The following GALE variants were observed in gnomAD, a reference collection of about 807,000 sequenced individuals.
GALE encodes the protein UDP-galactose-4-epimerase.
Under a neutral mutation model 44.1 loss-of-function variants are expected in GALE, and 32 were observed. The observed-to-expected ratio is 0.73, with a 90% CI of 0.55 to 0.97. The LOEUF is 0.97. Among genes scored for constraint, GALE ranks in the 50% least tolerant of loss-of-function variants. The pLI, the probability that GALE is intolerant of heterozygous loss-of-function variation, is 0.00. For missense variants in GALE, 423 were observed against 455.6 expected, an observed-to-expected ratio of 0.93 and a Z score of 0.65; for synonymous variants, 182 against 183.5, an observed-to-expected ratio of 0.99 and a Z score of 0.06.
In GALE at chr1:23,798,923, G is replaced by C. The variant is rs774570531; in HGVS notation, c.85C>G (p.Pro29Ala). ...VLELLEAGYL[P>A]VVIDNFHNAF... ...TTATGGAAGTTATCGATGACCACAG[G>C]CAAGTAGCCAGCCTCCAGCAGCTCC... The change falls in exon 3 of 12, where the codon CCT (proline) becomes GCT (alanine). Residue 29 changes from proline to alanine, a missense_variant. Physicochemically the swap from Pro to Ala is conservative, Grantham distance 27. Coordinates refer to ENST00000617979, the MANE Select transcript of GALE (RefSeq NM_001008216.2). This position sits in a 1 kb window ranked among gnomAD's most constrained non-coding sequence, Gnocchi z 4.5. The C allele has an allele frequency of 1.5e-5, 24 of 1,614,056 alleles. No individual in the cohort carries two copies. The highest frequency in any genetic ancestry group is 1.9e-5 in the Non-Finnish European group (23 of 1,180,042).
chr1:23,797,614 G>T (rs546561799), intron 6 of GALE, 81 bp downstream of exon 6: 2 of 1,389,536 alleles, frequency 1.4e-6, no homozygotes, highest in Non-Finnish European at 2.0e-6. Context: ...GGGGTGTTCG[G>T]AATCCCACCC....
chr1:23,799,076 G>A, intron 2 of GALE, 64 bp from the exon 3 acceptor site: 1 of 1,609,650 alleles, frequency 6.2e-7, no homozygotes. Flanking sequence ...CCTTCCCACT[G>A]GAATCCTGCC....
At position 23,796,449 on chromosome 1, in the gene GALE, T is replaced by C; in HGVS notation, c.873+60A>G. ...GGTGAGTGGGAAGGGCCAAAGCTGC[T>C]CTGTTGCTGAGAGCTGGGTGGGGTG... On this transcript the variant is annotated intron_variant, in intron 10 of 11. Transcript: ENST00000617979. The surrounding 1 kb of genome is among the most constrained non-coding windows in gnomAD (Gnocchi z 5.2). 1 of 1,551,222 alleles carries C rather than the reference T, an allele frequency of 6.4e-7. No individual in the cohort carries two copies. The highest frequency in any genetic ancestry group is 2.4e-5 in the East Asian group (1 of 42,448).
chr1:23,796,668 C>A lies in GALE; in HGVS notation c.795+29G>T, dbSNP rs1208644430. 3.1e-6 allele frequency: 5 copies of A among 1,613,698 alleles called. No individual in the cohort carries two copies. The stretch of plus-strand genomic sequence containing the variant: ...CGCTCTGCCTGGATCTGGTCCCTCC[C>A]CTCCCTCACTTCTCCCTTCTCTTCC... On this transcript the variant is annotated intron_variant, in intron 9 of 11. Transcript: ENST00000617979. This position sits in a 1 kb window ranked among gnomAD's most constrained non-coding sequence, Gnocchi z 5.2.
rs1402920421 is a variant in GALE, at chr1:23,796,010, G to A, written c.989-3C>T. 1.2e-6 allele frequency: 2 copies of A among 1,613,796 alleles called. No homozygotes were observed. The highest frequency in any genetic ancestry group is 8.5e-7 in the Non-Finnish European group (1 of 1,179,816). ...CTGCCAGCGCCAGAGATCCTCACCT[G>A]CAACACGGCGAGGTGTGTGCTCAGG... On this transcript the variant is annotated splice_polypyrimidine_tract_variant and splice_region_variant and intron_variant, in intron 11 of 11. Coordinates refer to ENST00000617979, the MANE Select transcript of GALE (RefSeq NM_001008216.2). The surrounding 1 kb of genome is among the most constrained non-coding windows in gnomAD (Gnocchi z 5.2).
intron 6 of GALE, 145 bp downstream of exon 6, chr1:23,797,550 C>G: frequency 2.5e-6 from 2 of 788,062 alleles, no homozygotes; most frequent in Non-Finnish European, 4.4e-6. Flanking sequence ...TAGAAACAAG[C>G]AGGGGATGGG....
chr1:23,798,858 A>G lies in GALE; in HGVS notation c.121+29T>C. On this transcript the variant is annotated intron_variant, in intron 3 of 11. Transcript: ENST00000617979. This position sits in a 1 kb window ranked among gnomAD's most constrained non-coding sequence, Gnocchi z 4.5. ...GGGTTTTGCTTCTGCCATCCCCTCA[A>G]GTAGCCCCAGCCCCACTGCCCCGCT... is the stretch of plus-strand genomic sequence containing the variant. 6.2e-7 allele frequency: 1 copy of G among 1,614,134 alleles called. No individual in the cohort carries two copies. Among genetic ancestry groups the G allele is most frequent in the East Asian group, 2.2e-5 (1 of 44,882 alleles).
Position 23,795,762 on chromosome 1 carries a change from T to G in GALE, c.*187A>C, listed in dbSNP as rs1638926066. The G allele has an allele frequency of 1.6e-6, 1 of 639,736 alleles. No homozygotes were observed. The highest frequency in any genetic ancestry group is 1.8e-5 in the African/African-American group (1 of 54,824). 39.6% of individuals were successfully genotyped at this position (639,736 alleles called of 1,614,324 possible). ...CTTGGACCCTGTGGAAGATAAGAGT[T>G]AGAGACCTCGGCCTCCTGGTCAGTG... On this transcript the variant is annotated 3_prime_UTR_variant, in exon 12 of 12. Transcript: ENST00000617979.
Position 23,796,613 on chromosome 1 carries a change from G to C in GALE, c.796-27C>G. The stretch of plus-strand genomic sequence containing the variant: ...TGGCCCACGGAGAACAGGGTTTATG[G>C]AGCGGGCTGGACTGACCACGCCTCT... On this transcript the variant is annotated intron_variant, in intron 9 of 11. Transcript: ENST00000617979. This position sits in a 1 kb window ranked among gnomAD's most constrained non-coding sequence, Gnocchi z 5.2. The C allele has an allele frequency of 1.2e-6, 2 of 1,614,024 alleles. No homozygotes were observed. Among genetic ancestry groups the C allele is most frequent in the Non-Finnish European group, 1.7e-6 (2 of 1,179,988 alleles).
chr1:23,796,132 G>A lies in GALE; in HGVS notation c.988+19C>T, dbSNP rs1473818823. 1.9e-6 allele frequency: 3 copies of A among 1,608,706 alleles called. No individual in the cohort carries two copies. Among genetic ancestry groups the A allele is most frequent in the Admixed American group, 1.7e-5 (1 of 60,014 alleles). ...GCCCCTCCCTGGCCCCTAACTGCAGGGGTCAGGCCAGCACTCACACATCCT... is the reference window on the plus strand; with the variant it reads ...GCCCCTCCCTGGCCCCTAACTGCAGAGGTCAGGCCAGCACTCACACATCCT... On this transcript the variant is annotated intron_variant, in intron 11 of 11. Coordinates refer to ENST00000617979, the MANE Select transcript of GALE (RefSeq NM_001008216.2). The surrounding 1 kb of genome is among the most constrained non-coding windows in gnomAD (Gnocchi z 5.2).
At position 23,799,215 on chromosome 1, in the gene GALE, G is replaced by A. The variant is rs992583749; in HGVS notation, c.-6+151C>T. On this transcript the variant is annotated intron_variant, in intron 2 of 11. Transcript: ENST00000617979. ...GGCTTTGGAAATTAATTAGCCTCTT[G>A]GCCTCAGTTTCTATCTCTGTAAAAC... 20 of 635,466 alleles carry A rather than the reference G, an allele frequency of 3.1e-5. 1 individual carries two copies. In the South Asian group the frequency reaches 3.2e-4, roughly 10 times the overall value. 39.4% of individuals were successfully genotyped at this position (635,466 alleles called of 1,614,324 possible). A position where few individuals can be genotyped will look rare whatever the true frequency, so the allele number is the denominator to read the frequency against.
chr1:23,798,007 G>C lies in GALE; in HGVS notation c.351+110C>G, dbSNP rs72872175. ...GGGGAAACTGAGACTGGGAGGTAAA[G>C]ACATGAGTCCAGGATGATACAGCTT... is the stretch of plus-strand genomic sequence containing the variant. On this transcript the variant is annotated intron_variant, in intron 5 of 11. Transcript: ENST00000617979. This position sits in a 1 kb window ranked among gnomAD's most constrained non-coding sequence, Gnocchi z 4.5. The C allele has an allele frequency of 7.6e-7, 1 of 1,316,488 alleles. No individual in the cohort carries two copies. The highest frequency in any genetic ancestry group is 1.4e-5 in the African/African-American group (1 of 69,138). The allele number at this position is 1,316,488 out of a possible 1,614,324, so 81.6% of individuals were successfully genotyped here.
At chr1:23,797,275 A>AGT in intron 6 of GALE, 128 bp from the exon 7 acceptor site, 1 of 719,100 alleles carries the variant, frequency 1.4e-6, no homozygotes, top group South Asian at 1.6e-5. Context: ...GCTGGAGTGT[A>AGT]GTGGCCTGAT....
In GALE at chr1:23,796,303, G is replaced by A. The variant is rs749031482; in HGVS notation, c.874-38C>T. ...AGGTAGTTGGAGCTTAGCTGAGCCG[G>A]CCCTGGCCCAGCTGCTGGCCAGGTC... On this transcript the variant is annotated intron_variant, in intron 10 of 11. Coordinates refer to ENST00000617979, the MANE Select transcript of GALE (RefSeq NM_001008216.2). This position sits in a 1 kb window ranked among gnomAD's most constrained non-coding sequence, Gnocchi z 5.2. The A allele has an allele frequency of 2.0e-5, 32 of 1,586,560 alleles. No individual in the cohort carries two copies. The African/African-American group carries it at 2.6e-4, about 13-fold the overall frequency.
rs1557478815 is a variant in GALE, at chr1:23,796,816, T to C, written c.710-34A>G. On this transcript the variant is annotated intron_variant, in intron 8 of 11. Transcript: ENST00000617979. The surrounding 1 kb of genome is among the most constrained non-coding windows in gnomAD (Gnocchi z 5.2). ...AAGGGAGTGTGTTGGATGGGGAGTC[T>C]GTTCCCCCTGACTCTCCTTCCTGGC... is the stretch of plus-strand genomic sequence containing the variant. The C allele has an allele frequency of 6.2e-7, 1 of 1,607,356 alleles. No homozygotes were observed. Among genetic ancestry groups the C allele is most frequent in the South Asian group, 1.1e-5 (1 of 89,864 alleles).
chr1:23,798,072 G>C lies in GALE; in HGVS notation c.351+45C>G, dbSNP rs111919276. On this transcript the variant is annotated intron_variant, in intron 5 of 11. Transcript: ENST00000617979. This position sits in a 1 kb window ranked among gnomAD's most constrained non-coding sequence, Gnocchi z 4.5. ...GCACTGCCTGCCAGGCTGGGGTCCA[G>C]CTGGACACCCTCCTAGTGTCTGTGC... 8.5e-5 allele frequency: 129 copies of C among 1,513,672 alleles called. No homozygotes were observed. In the African/African-American group the frequency reaches 1.6e-3, roughly 19 times the overall value. 93.8% of individuals were successfully genotyped at this position (1,513,672 alleles called of 1,614,324 possible).
At position 23,797,857 on chromosome 1, in the gene GALE, G is replaced by C; in HGVS notation, c.366C>G (p.His122Gln). 6.2e-7 allele frequency: 1 copy of C among 1,614,180 alleles called. No individual in the cohort carries two copies. Among genetic ancestry groups the C allele is most frequent in the South Asian group, 1.1e-5 (1 of 91,082 alleles). The change falls in exon 6 of 12, where the codon CAC becomes CAG. Residue 122 changes from histidine (H) to glutamine (Q), a missense_variant. By Grantham distance (24) the His-to-Gln change is conservative. Transcript: ENST00000617979. The stretch of plus-strand genomic sequence containing the variant: ...TGCTGAACACCAGGTTCTTCACCCC[G>C]TGGGCCTTCATGATCTGGCCGTGGA... The part of the protein sequence containing the change: ...TIQLLEIMKA[H>Q]GVKNLVFSSS...
chr1:23,796,384 A>G lies in GALE; in HGVS notation c.874-119T>C, dbSNP rs1638951139. The stretch of plus-strand genomic sequence containing the variant: ...GGCCCGCAGGCACCGGGTGCTAGGC[A>G]GGCTGAGGAGACTGGGCAGTGCCAG... On this transcript the variant is annotated intron_variant, in intron 10 of 11. Transcript: ENST00000617979. This position sits in a 1 kb window ranked among gnomAD's most constrained non-coding sequence, Gnocchi z 5.2. The G allele has an allele frequency of 1.4e-6, 2 of 1,414,342 alleles. No homozygotes were observed. The highest frequency in any genetic ancestry group is 2.8e-5 in the African/African-American group (2 of 70,786). The allele number at this position is 1,414,342 out of a possible 1,614,324, so 87.6% of individuals were successfully genotyped here. A position where few individuals can be genotyped will look rare whatever the true frequency, so the allele number is the denominator to read the frequency against.
chr1:23,798,326 T>G lies in GALE; in HGVS notation c.238-96A>C. The G allele has an allele frequency of 3.5e-6, 3 of 854,950 alleles. No individual in the cohort carries two copies. The highest frequency in any genetic ancestry group is 2.8e-5 in the South Asian group (2 of 71,420). 53.0% of individuals were successfully genotyped at this position (854,950 alleles called of 1,614,324 possible). On this transcript the variant is annotated intron_variant, in intron 4 of 11. Coordinates refer to ENST00000617979, the MANE Select transcript of GALE (RefSeq NM_001008216.2). This position sits in a 1 kb window ranked among gnomAD's most constrained non-coding sequence, Gnocchi z 4.5. ...CTGCACTCACCTTTTTTTTTTTTTT[T>G]GACAGTCTCGCTCTGTTGTCCAGGC...
Sources: allele counts gnomAD v4.1 joint callset, GRCh38; gene constraint gnomAD v4.1.1; non-coding constraint Gnocchi (gnomAD v3.1); transcripts MANE v1.5; gene names NCBI Gene and HGNC (gene_info 2026-07-23, HGNC 2026-07-21).